Variants in UBE2E2 observed in about 807,000 individuals in gnomAD.
UBE2E2 encodes the protein ubiquitin-conjugating enzyme E2 E2.
UBE2E2 carries 6 observed loss-of-function variants against 24.7 expected under a neutral mutation model. The ratio of observed to expected loss-of-function variants is 0.24; its 90% CI spans 0.13 to 0.48. The LOEUF is 0.48. Among genes scored for constraint, UBE2E2 ranks in the 20% least tolerant of loss-of-function variants. The probability of loss-of-function intolerance (pLI) is 0.99; values close to 1 mark genes in which losing one functional copy is unlikely to be tolerated. For synonymous variants in UBE2E2, 104 were observed against 83.6 expected, an observed-to-expected ratio of 1.24 and a Z score of -1.33; for missense variants, 169 against 245.0, an observed-to-expected ratio of 0.69 and a Z score of 2.07.
rs146661336 is a variant in UBE2E2, at chr3:23,539,400, A to G, written c.508+6699A>G. On this transcript the variant is annotated intron_variant, in intron 5 of 5. Coordinates refer to ENST00000396703, the MANE Select transcript of UBE2E2 (RefSeq NM_152653.4). ...AAGATGGTTAAAACTAGACTTTACC[A>G]TATTTGCTAACATATGGGATACCTT... Among the ~76,000 whole-genome samples, 5 of 152,360 alleles carry G rather than the reference A, an allele frequency of 3.3e-5. No individual in the cohort carries two copies. In the East Asian group the frequency reaches 7.7e-4, roughly 23 times the overall value.
At chr3:23,219,120 T>C (rs377222126) in intron 3 of UBE2E2, among the ~76,000 whole-genome samples, 4 of 152,316 alleles carry the variant, frequency 2.6e-5, no homozygotes, top group African/African-American at 7.2e-5. Context: ...ATTGGATAGC[T>C]GATAAGTTTG....
intron 5 of UBE2E2, among the ~76,000 whole-genome samples, chr3:23,562,174 TTG>T (rs1367747667): frequency 6.6e-6 from 1 of 152,140 alleles, no homozygotes. Flanking sequence ...CTTCCAGTTT[TTG>T]CCCATTCAGT....
At chr3:23,216,855 C>T (rs1041871387) in intron 2 of UBE2E2, among the ~76,000 whole-genome samples, 3 of 152,018 alleles carry the variant, frequency 2.0e-5, no homozygotes, top group Non-Finnish European at 4.4e-5. Flanking sequence ...AATGAGATCC[C>T]GAATCATTTG....
chr3:23,420,988 A>G (rs998323050), intron 3 of UBE2E2, among the ~76,000 whole-genome samples: 19 of 152,222 alleles, frequency 1.2e-4, no homozygotes, highest in African/African-American at 4.6e-4. Flanking sequence ...TTACTCTCAA[A>G]TCATAAAAAC....
intron 3 of UBE2E2, among the ~76,000 whole-genome samples, chr3:23,468,237 CT>C (rs1416125315): frequency 2.0e-5 from 3 of 152,162 alleles, no homozygotes; most frequent in African/African-American, 7.2e-5. Context: ...TTATTTCAGT[CT>C]TTACTGTTGT....
At chr3:23,341,997 A>G (rs1489560119) in intron 3 of UBE2E2, among the ~76,000 whole-genome samples, 1 of 152,218 alleles carries the variant, frequency 6.6e-6, no homozygotes, top group Admixed American at 6.5e-5. Flanking sequence ...AAAGAGAACA[A>G]ACATTTGTTG....
At chr3:23,219,558 A>G (rs961734026) in intron 3 of UBE2E2, among the ~76,000 whole-genome samples, 2 of 152,204 alleles carry the variant, frequency 1.3e-5, no homozygotes, top group Non-Finnish European at 2.9e-5. Context: ...CACTGCCTGC[A>G]TTGGCCTAAT....
intron 3 of UBE2E2, among the ~76,000 whole-genome samples, chr3:23,353,461 T>C (rs1365598086): frequency 1.3e-5 from 2 of 152,234 alleles, no homozygotes; most frequent in Non-Finnish European, 2.9e-5. Flanking sequence ...TGTTTGCAGA[T>C]GACATGATAG....
chr3:23,411,596 A>T (rs1268759118), intron 3 of UBE2E2, among the ~76,000 whole-genome samples: 1 of 152,164 alleles, frequency 6.6e-6, no homozygotes, highest in Non-Finnish European at 1.5e-5. Flanking sequence ...AACATTTTAA[A>T]TTTCTCAATA....
chr3:23,538,056 C>T (rs1695306120), intron 5 of UBE2E2, among the ~76,000 whole-genome samples: 1 of 152,166 alleles, frequency 6.6e-6, no homozygotes, highest in South Asian at 2.1e-4. Context: ...AACTGAAATT[C>T]AGGTAAAATG....
intron 3 of UBE2E2, among the ~76,000 whole-genome samples, chr3:23,454,797 A>G (rs1247142907): frequency 6.6e-6 from 1 of 152,258 alleles, no homozygotes; most frequent in Non-Finnish European, 1.5e-5. Flanking sequence ...CTAAAATAAA[A>G]GACTACCTCC....
At chr3:23,481,878 T>C (rs1027726376) in intron 3 of UBE2E2, among the ~76,000 whole-genome samples, 2 of 152,194 alleles carry the variant, frequency 1.3e-5, no homozygotes, top group African/African-American at 4.8e-5. Flanking sequence ...TTCTGTAAAA[T>C]CTGTGTTTGT....
intron 5 of UBE2E2, among the ~76,000 whole-genome samples, chr3:23,553,252 T>C (rs549398282): frequency 6.6e-6 from 1 of 152,262 alleles, no homozygotes; most frequent in South Asian, 2.1e-4. Context: ...GGTCACACTT[T>C]AATAAAACAA....
intron 3 of UBE2E2, among the ~76,000 whole-genome samples, chr3:23,443,639 C>T (rs1698355102): frequency 1.3e-5 from 2 of 152,106 alleles, no homozygotes; most frequent in South Asian, 2.1e-4. Context: ...GCAAGAACTG[C>T]CCCCCGAGGC....
intron 3 of UBE2E2, chr3:23,323,414 T>G (rs1694797993): frequency 7.4e-6 from 2 of 270,886 alleles, no homozygotes; most frequent in Non-Finnish European, 1.5e-5. Context: ...CCAATTTGGG[T>G]CATTTGGCAT....
chr3:23,571,913 C>A (rs538084219), intron 5 of UBE2E2, among the ~76,000 whole-genome samples: 37 of 152,158 alleles, frequency 2.4e-4, no homozygotes, highest in Non-Finnish European at 7.4e-5. Context: ...GCTCAGTATT[C>A]CCACAAACGT....
At chr3:23,504,058 G>T (rs1229357798) in intron 4 of UBE2E2, among the ~76,000 whole-genome samples, 1 of 151,992 alleles carries the variant, frequency 6.6e-6, no homozygotes, top group African/African-American at 2.4e-5. Flanking sequence ...TGCCATTTAG[G>T]TATATCTGTT....
intron 3 of UBE2E2, among the ~76,000 whole-genome samples, chr3:23,330,987 T>C (rs1695044191): frequency 6.6e-6 from 1 of 152,244 alleles, no homozygotes; most frequent in African/African-American, 2.4e-5. Flanking sequence ...TTGACTATTC[T>C]TGCTTTTTTC....
intron 3 of UBE2E2, among the ~76,000 whole-genome samples, chr3:23,303,959 G>A (rs1161817702): frequency 6.6e-6 from 1 of 152,176 alleles, no homozygotes. Context: ...TCCATAGAGT[G>A]TAATTATCTG....
Sources: gnomAD v4.1 joint callset for allele counts (sites outside exome capture counted in the v4.1 genomes callset) on GRCh38, gnomAD v4.1.1 for gene constraint, MANE v1.5 for transcripts, NCBI Gene and HGNC (gene_info 2026-07-23, HGNC 2026-07-21) for gene names.